PIK3C2G: variants seen among roughly 807,000 people sequenced by gnomAD.
The protein encoded by PIK3C2G is phosphatidylinositol-4-phosphate 3-kinase catalytic subunit type 2 gamma.
Under a neutral mutation model 181.1 loss-of-function variants are expected in PIK3C2G, and 168 were observed. The observed-to-expected ratio is 0.93, with a 90% CI of 0.82 to 1.05. PIK3C2G has a LOEUF of 1.05. Among genes scored for constraint, PIK3C2G ranks in the 50% least tolerant of loss-of-function variants. The pLI, the probability that PIK3C2G is intolerant of heterozygous loss-of-function variation, is 0.00. For synonymous variants in PIK3C2G, 573 were observed against 592.2 expected (o/e 0.97, Z 0.47); for missense variants, 1,869 against 1,732.8 (o/e 1.08, Z -1.40).
chr12:18,625,511 T>A (rs974932208), intron 31 of PIK3C2G, among the ~76,000 whole-genome samples: 5 of 151,824 alleles, frequency 3.3e-5, no homozygotes, highest in Non-Finnish European at 5.9e-5. Flanking sequence ...TTGGATGGAA[T>A]GTTCCAGATA....
intron 32 of PIK3C2G, among the ~76,000 whole-genome samples, chr12:18,645,443 G>C (rs549128914): frequency 1.3e-5 from 2 of 152,040 alleles, no homozygotes; most frequent in Non-Finnish European, 2.9e-5. Flanking sequence ...AATATATGAA[G>C]TAATAAAAAC....
intron 8 of PIK3C2G, among the ~76,000 whole-genome samples, chr12:18,329,122 A>T (rs1169312816): frequency 6.6e-6 from 1 of 151,986 alleles, no homozygotes; most frequent in Non-Finnish European, 1.5e-5. Flanking sequence ...GACTTGAAGA[A>T]GTATAAAAAA....
At chr12:18,471,655 C>T (rs1938469890) in intron 18 of PIK3C2G, among the ~76,000 whole-genome samples, 1 of 152,120 alleles carries the variant, frequency 6.6e-6, no homozygotes, top group East Asian at 1.9e-4. Flanking sequence ...GCACATTCCC[C>T]TGTGAACTTT....
intron 24 of PIK3C2G, among the ~76,000 whole-genome samples, chr12:18,520,184 G>T (rs2136177779): frequency 6.6e-6 from 1 of 152,030 alleles, no homozygotes; most frequent in East Asian, 1.9e-4. Flanking sequence ...AGAATCTGAT[G>T]ATTATGTGTC....
At chr12:18,296,221 A>G (rs1434368165) in intron 5 of PIK3C2G, among the ~76,000 whole-genome samples, 2 of 152,166 alleles carry the variant, frequency 1.3e-5, no homozygotes, top group Non-Finnish European at 2.9e-5. Context: ...ATGTAAATAA[A>G]TATGACTATG....
At chr12:18,508,383 G>T (rs1236351008) in intron 24 of PIK3C2G, among the ~76,000 whole-genome samples, 2 of 152,058 alleles carry the variant, frequency 1.3e-5, no homozygotes, top group African/African-American at 2.4e-5. Context: ...TCAGTTTCTG[G>T]AATTCACAGA....
the PIK3C2G span, among the ~76,000 whole-genome samples, chr12:18,717,230 C>T: frequency 2.0e-5 from 3 of 151,830 alleles, no homozygotes; most frequent in Non-Finnish European, 4.4e-5. Context: ...TTTATATTTT[C>T]TCTCTTAAAA....
chr12:18,455,227 G>T lies in PIK3C2G; in HGVS notation c.2504+31188G>T, dbSNP rs1378224323. Among the ~76,000 whole-genome samples, 3 of 152,114 alleles carry T rather than the reference G, an allele frequency of 2.0e-5. No individual in the cohort carries two copies. In the East Asian group the frequency reaches 5.8e-4, roughly 30 times the overall value. On this transcript the variant is annotated intron_variant, in intron 18 of 32. Coordinates refer to ENST00000538779, the MANE Select transcript of PIK3C2G (RefSeq NM_001288772.2). ...ATAATCTATTGGCTAGGAAGAAATC[G>T]CTAGGTCCAGCCTACACTTAGGCAA...
At chr12:18,643,059 G>T (rs901054432) in intron 32 of PIK3C2G, among the ~76,000 whole-genome samples, 1 of 151,982 alleles carries the variant, frequency 6.6e-6, no homozygotes, top group Non-Finnish European at 1.5e-5. Flanking sequence ...TTCAGTATAA[G>T]AAAACATATA....
chr12:18,274,195 A>C (rs1948874552), intron 1 of PIK3C2G, among the ~76,000 whole-genome samples: 1 of 152,170 alleles, frequency 6.6e-6, no homozygotes, highest in African/African-American at 2.4e-5. Flanking sequence ...ACACTTTTAC[A>C]CTGTTGGTGG....
At chr12:18,650,969 A>G (rs1290611771), downstream of PIK3C2G, among the ~76,000 whole-genome samples, 1 of 151,506 alleles carries the variant, frequency 6.6e-6, no homozygotes. Context: ...CAACACAGCA[A>G]TGGGAATGGT....
chr12:18,693,202 A>T, the PIK3C2G span: 7 of 1,569,400 alleles, frequency 4.5e-6, no homozygotes, highest in Non-Finnish European at 5.3e-6. Flanking sequence ...GCAGACAAGG[A>T]TCTTCTGGAA....
chr12:18,246,039 G>A (rs1372191958), upstream of PIK3C2G, among the ~76,000 whole-genome samples: 1 of 152,102 alleles, frequency 6.6e-6, no homozygotes, highest in Non-Finnish European at 1.5e-5. Context: ...GGTTTTAGCT[G>A]AGAAATAAAT....
chr12:18,417,431 C>T (rs995264738), intron 16 of PIK3C2G, among the ~76,000 whole-genome samples: 6 of 152,230 alleles, frequency 3.9e-5, no homozygotes, highest in Admixed American at 3.9e-4. Context: ...CAAACAGCAT[C>T]ACATACTACA....
At chr12:18,266,001 C>T (rs965007570) in intron 1 of PIK3C2G, among the ~76,000 whole-genome samples, 2 of 101,606 alleles carry the variant, frequency 2.0e-5, no homozygotes, top group African/African-American at 3.9e-5. Context: ...GGAACAAGAG[C>T]GAGACTTCAT....
intron 31 of PIK3C2G, among the ~76,000 whole-genome samples, chr12:18,610,587 A>C (rs1452483294): frequency 6.6e-6 from 1 of 152,124 alleles, no homozygotes; most frequent in Non-Finnish European, 1.5e-5. Flanking sequence ...GTATCTGGGC[A>C]AATATTTTAA....
In PIK3C2G at chr12:18,291,002, T is replaced by G. The variant is rs1195125518; in HGVS notation, c.909T>G (p.Phe303Leu). ...ATAACTCAACACAACCTCTTCATTT[T>G]ATGCCATGTGGTAAGCAACCTTGCA... ...FIDNSTQPLH[F>L]MPCANYLVKD... is the part of the protein sequence containing the mutation. Residue 303 changes from phenylalanine to leucine, a missense_variant, in exon 4 of 33, where the codon TTT (phenylalanine) becomes TTG (leucine). Transcript: ENST00000538779. 6 of 1,600,642 alleles carry G rather than the reference T, an allele frequency of 3.7e-6. No homozygotes were observed. The highest frequency in any genetic ancestry group is 5.1e-6 in the Non-Finnish European group (6 of 1,169,322).
the PIK3C2G span, among the ~76,000 whole-genome samples, chr12:18,659,487 C>A: frequency 1.3e-5 from 2 of 152,056 alleles, no homozygotes; most frequent in Non-Finnish European, 2.9e-5. Context: ...CTCCAAAATA[C>A]CATGATCAAA....
At chr12:18,300,392 T>C (rs1047056532) in intron 5 of PIK3C2G, among the ~76,000 whole-genome samples, 5 of 152,086 alleles carry the variant, frequency 3.3e-5, no homozygotes, top group African/African-American at 9.6e-5. Flanking sequence ...GTCTCTTTTG[T>C]ATTGTTTTTC....
Sources: allele counts gnomAD v4.1 joint callset (sites outside exome capture counted in the v4.1 genomes callset), GRCh38; gene constraint gnomAD v4.1.1; transcripts MANE v1.5; gene names NCBI Gene and HGNC (gene_info 2026-07-23, HGNC 2026-07-21).